The following PALM2AKAP2 variants were observed in gnomAD, a reference collection of about 807,000 sequenced individuals.
PALM2AKAP2 encodes PALM2 and AKAP2 fusion, also known as PALM2-AKAP2 fusion protein.
In PALM2AKAP2, 37 loss-of-function variants were observed where a neutral mutation model predicts 71.5. The observed-to-expected ratio is 0.52, with a 90% CI of 0.40 to 0.68. PALM2AKAP2 has a LOEUF of 0.68. Among genes scored for constraint, PALM2AKAP2 ranks in the 30% least tolerant of loss-of-function variants. The probability of loss-of-function intolerance (pLI) is 0.00; values close to 1 mark genes in which losing one functional copy is unlikely to be tolerated. For missense variants in PALM2AKAP2, 1,224 were observed against 1,191.8 expected (o/e 1.03, Z -0.40); for synonymous variants, 468 against 478.8 (o/e 0.98, Z 0.29).
chr9:109,889,246 C>T (rs926334835), intron 3 of PALM2AKAP2, among the ~76,000 whole-genome samples: 1 of 152,138 alleles, frequency 6.6e-6, no homozygotes, highest in African/African-American at 2.4e-5. Context: ...GCTGCTTTTG[C>T]AAAGGCAATA....
chr9:109,768,991 A>C (rs1316326840), intron 1 of PALM2AKAP2, among the ~76,000 whole-genome samples: 2 of 152,140 alleles, frequency 1.3e-5, no homozygotes, highest in Admixed American at 6.5e-5. Context: ...ACTTAAGTTC[A>C]AGACTATCCT....
rs545183467 is a variant in PALM2AKAP2 at position 110,156,424 on chromosome 9, A to G, written c.2675A>G (p.Asn892Ser). ...GCTGCCGGAACCCAGCGGCCCAAGA[A>G]TCTGATGCAGACCCTCATGGAAGAC... Residue 892 changes from asparagine (N) to serine (S), a missense_variant, in exon 3 of 4, where the codon AAT (asparagine) becomes AGT (serine). Coordinates refer to ENST00000374525, the Ensembl canonical transcript of PALM2AKAP2. 2.2e-4 allele frequency: 355 copies of G among 1,613,196 alleles called. 5 individuals carry two copies. The South Asian group carries it at 3.8e-3, about 17-fold the overall frequency.
chr9:109,979,357 AGCCCCGCCT>A (rs764388119), intron 6 of PALM2AKAP2, among the ~76,000 whole-genome samples: 1 of 152,152 alleles, frequency 6.6e-6, no homozygotes, highest in Non-Finnish European at 1.5e-5. Context: ...CTTGCTCTCA[AGCCCCGCCT>A]GTCTTAAGAG....
At chr9:109,734,357 T>C (rs1828598283) in intron 1 of PALM2AKAP2, among the ~76,000 whole-genome samples, 1 of 152,332 alleles carries the variant, frequency 6.6e-6, no homozygotes, top group African/African-American at 2.4e-5. Context: ...ACAAATTAAA[T>C]ATTGAAACTA....
chr9:109,923,680 G>C, intron 3 of PALM2AKAP2, 55 bp from the exon 4 acceptor site: 1 of 1,517,020 alleles, frequency 6.6e-7, no homozygotes, highest in Non-Finnish European at 8.8e-7. Flanking sequence ...CTGCTCTCTT[G>C]CCCGTGGATG....
intron 5 of PALM2AKAP2, among the ~76,000 whole-genome samples, chr9:109,929,863 CAAAAAAAAAAA>C (rs58029417): frequency 6.0e-4 from 42 of 69,424 alleles, no homozygotes; most frequent in East Asian, 9.1e-4. Flanking sequence ...GACTCCATTT[CAAAAAAAAAAA>C]AAAAAAAAAA....
chr9:110,014,505 G>A (rs1039702809), intron 6 of PALM2AKAP2, among the ~76,000 whole-genome samples: 1 of 151,800 alleles, frequency 6.6e-6, no homozygotes, highest in African/African-American at 2.4e-5. Context: ...GGGCACAGTG[G>A]CTCACTCCTG....
At chr9:109,739,388 T>A (rs1018710349) in intron 1 of PALM2AKAP2, among the ~76,000 whole-genome samples, 6 of 152,350 alleles carry the variant, frequency 3.9e-5, no homozygotes, top group Admixed American at 3.9e-4. Context: ...TCATTTTTAA[T>A]ATGCCTATTT....
intron 3 of PALM2AKAP2, among the ~76,000 whole-genome samples, chr9:109,913,015 C>T (rs1021681291): frequency 2.0e-5 from 3 of 152,200 alleles, no homozygotes; most frequent in Non-Finnish European, 4.4e-5. Context: ...ATAGTTTCAC[C>T]AAATCTACAA....
At chr9:109,953,057 C>G (rs1051601157) in intron 6 of PALM2AKAP2, among the ~76,000 whole-genome samples, 1 of 152,186 alleles carries the variant, frequency 6.6e-6, no homozygotes, top group Non-Finnish European at 1.5e-5. Flanking sequence ...GAAAGGGAAG[C>G]TGCTTTGGCC....
At chr9:109,902,178 A>G (rs1352228707) in intron 3 of PALM2AKAP2, among the ~76,000 whole-genome samples, 1 of 152,172 alleles carries the variant, frequency 6.6e-6, no homozygotes, top group African/African-American at 2.4e-5. Context: ...TGGGCAAGCT[A>G]CTTCACCCAT....
intron 3 of PALM2AKAP2, among the ~76,000 whole-genome samples, chr9:109,906,218 G>A (rs1410988162): frequency 6.6e-6 from 1 of 152,068 alleles, no homozygotes; most frequent in Non-Finnish European, 1.5e-5. Flanking sequence ...GGGGTAGGGG[G>A]GATGGAATCT....
At chr9:109,774,765 A>G (rs1829325931) in intron 1 of PALM2AKAP2, among the ~76,000 whole-genome samples, 1 of 152,204 alleles carries the variant, frequency 6.6e-6, no homozygotes, top group South Asian at 2.1e-4. Flanking sequence ...TTGAGTGATC[A>G]AGATTACCAT....
intron 2 of PALM2AKAP2, among the ~76,000 whole-genome samples, chr9:109,873,635 T>C (rs1293624599): frequency 6.6e-6 from 1 of 152,182 alleles, no homozygotes; most frequent in Admixed American, 6.5e-5. Flanking sequence ...AATATTTTTA[T>C]AGTGAGGGTA....
rs142380577 is a variant in PALM2AKAP2, at chr9:109,710,487, A to T, written c.5+69621A>T. Reference sequence around the variant, plus strand: ...CAGGAAAAGAATGAACTCTATAGGCAGATGGAAGCCTGGGATTCTGACACT... The same window carrying T: ...CAGGAAAAGAATGAACTCTATAGGCTGATGGAAGCCTGGGATTCTGACACT... On this transcript the variant is annotated intron_variant, in intron 1 of 6. Coordinates refer to the PALM2AKAP2 transcript ENST00000374531. Among the ~76,000 whole-genome samples the T allele has an allele frequency of 1.8e-4, 27 of 152,378 alleles. 1 individual carries two copies. In the East Asian group the frequency reaches 5.0e-3, roughly 28 times the overall value.
chr9:109,982,138 T>A (rs1459599020), intron 6 of PALM2AKAP2, among the ~76,000 whole-genome samples: 1 of 152,226 alleles, frequency 6.6e-6, no homozygotes, highest in Non-Finnish European at 1.5e-5. Context: ...TGAGATTCTG[T>A]CATTTGCAAC....
intron 3 of PALM2AKAP2, among the ~76,000 whole-genome samples, chr9:109,882,248 T>C (rs181642108): frequency 3.3e-5 from 5 of 152,254 alleles, no homozygotes; most frequent in African/African-American, 1.2e-4. Context: ...AACAGCAAAT[T>C]AAGACTCTGA....
chr9:109,885,326 A>G (rs1829941229), intron 3 of PALM2AKAP2, among the ~76,000 whole-genome samples: 1 of 152,234 alleles, frequency 6.6e-6, no homozygotes, highest in Non-Finnish European at 1.5e-5. Context: ...GGATGGAAAA[A>G]TGTAACTAGA....
Position 110,039,568 on chromosome 9 carries a change from G to A in PALM2AKAP2, c.582+23529G>A, listed in dbSNP as rs555373845. On this transcript the variant is annotated intron_variant, in intron 7 of 9. Coordinates refer to the PALM2AKAP2 transcript ENST00000302798. The stretch of plus-strand genomic sequence containing the variant: ...TTTTTTACTGACATTTTGCTATACC[G>A]TAAAATGAGAAAAATGGCTTGGGCA... Among the ~76,000 whole-genome samples, 8 of 152,222 alleles carry A rather than the reference G, an allele frequency of 5.3e-5. No homozygotes were observed. In the South Asian group the frequency reaches 1.2e-3, roughly 24 times the overall value.
Sources: gnomAD v4.1 joint callset for allele counts (sites outside exome capture counted in the v4.1 genomes callset) on GRCh38, gnomAD v4.1.1 for gene constraint, MANE v1.5 for transcripts, NCBI Gene and HGNC (gene_info 2026-07-23, HGNC 2026-07-21) for gene names.